Variants in PDE8A observed in about 807,000 individuals in gnomAD.
PDE8A encodes phosphodiesterase 8A, also known as high affinity cAMP-specific and IBMX-insensitive 3',5'-cyclic phosphodiesterase 8A.
PDE8A carries 59 observed loss-of-function variants against 105.0 expected under a neutral mutation model. The observed-to-expected ratio is 0.56, with a 90% CI of 0.46 to 0.70. The LOEUF is 0.70. Ranked by LOEUF, PDE8A falls within the 30% of genes least tolerant of loss-of-function variation. The pLI is 0.00. For synonymous variants in PDE8A, 355 were observed against 371.9 expected, an observed-to-expected ratio of 0.95 and a Z score of 0.52; for missense variants, 1,014 against 1,045.9, an observed-to-expected ratio of 0.97 and a Z score of 0.42.
At chr15:85,109,025 A>G in intron 11 of PDE8A, 28 bp from the exon 12 acceptor site, 1 of 1,466,262 alleles carries the variant, frequency 6.8e-7, no homozygotes, top group Non-Finnish European at 9.5e-7. Context: ...ATATCTTTGA[A>G]GAGGTGATTT....
intron 1 of PDE8A, among the ~76,000 whole-genome samples, chr15:85,039,135 A>G (rs532357790): frequency 5.9e-5 from 9 of 152,050 alleles, no homozygotes; most frequent in African/African-American, 1.7e-4. Context: ...AAAAAAAAAA[A>G]AAAGAAAAGA....
chr15:85,104,143 A>G (rs1045377026), intron 11 of PDE8A, among the ~76,000 whole-genome samples: 6 of 152,248 alleles, frequency 3.9e-5, no homozygotes, highest in Non-Finnish European at 7.3e-5. Flanking sequence ...GACTTGTTCT[A>G]GGTCAGGCCC....
intron 1 of PDE8A, among the ~76,000 whole-genome samples, chr15:85,057,470 T>A (rs56279648): frequency 6.6e-6 from 1 of 152,128 alleles, no homozygotes; most frequent in Admixed American, 6.5e-5. Flanking sequence ...AGGAATTCCC[T>A]GACCCCTTGT....
intron 14 of PDE8A, 200 bp from the exon 15 acceptor site, chr15:85,115,239 C>G: frequency 1.9e-6 from 1 of 525,560 alleles, no homozygotes; most frequent in Non-Finnish European, 3.3e-6. Context: ...TCCTTCCCAG[C>G]ATTAGCCTGT....
chr15:84,982,611 C>A (rs1288566041), intron 1 of PDE8A, among the ~76,000 whole-genome samples: 1 of 152,144 alleles, frequency 6.6e-6, no homozygotes, highest in Non-Finnish European at 1.5e-5. Context: ...TGGACACATC[C>A]GACTCCCGGA....
chr15:84,998,914 A>T (rs987748332), intron 1 of PDE8A, among the ~76,000 whole-genome samples: 3 of 152,194 alleles, frequency 2.0e-5, no homozygotes, highest in African/African-American at 7.2e-5. Flanking sequence ...ATGAGCAAAC[A>T]TATACTCGTT....
In PDE8A at chr15:85,065,099, A is replaced by G. The variant is rs568419113; in HGVS notation, c.243+673A>G. Among the ~76,000 whole-genome samples, 10 of 152,292 alleles carry G rather than the reference A, an allele frequency of 6.6e-5. No homozygotes were observed. In the South Asian group the frequency reaches 2.1e-3, roughly 32 times the overall value. On this transcript the variant is annotated intron_variant, in intron 2 of 21. Coordinates refer to ENST00000394553, the MANE Select transcript of PDE8A (RefSeq NM_002605.3). Reference sequence around the variant, plus strand: ...AAGGTGGCAAAATGTTAATTGATGAATGTAGAGAAAGGGCATGTTTAGTGT... The same window carrying G: ...AAGGTGGCAAAATGTTAATTGATGAGTGTAGAGAAAGGGCATGTTTAGTGT...
chr15:85,092,112 T>C (rs764683383), intron 8 of PDE8A, among the ~76,000 whole-genome samples: 18 of 152,098 alleles, frequency 1.2e-4, no homozygotes, highest in Non-Finnish European at 2.4e-4. Flanking sequence ...GCAAAGCTTA[T>C]ACTCCGCTCA....
chr15:85,111,824 C>T (rs1003126943), intron 12 of PDE8A, among the ~76,000 whole-genome samples: 1 of 152,126 alleles, frequency 6.6e-6, no homozygotes, highest in Admixed American at 6.5e-5. Flanking sequence ...CATGCTATGT[C>T]TCCATTTATT....
intron 1 of PDE8A, among the ~76,000 whole-genome samples, chr15:84,984,394 G>T (rs969797932): frequency 6.6e-6 from 1 of 152,050 alleles, no homozygotes; most frequent in African/African-American, 2.4e-5. Context: ...ACTATGCTCT[G>T]GAAATTCATG....
At chr15:85,133,087 A>G (rs1358558998) in intron 20 of PDE8A, among the ~76,000 whole-genome samples, 2 of 152,192 alleles carry the variant, frequency 1.3e-5, no homozygotes, top group Admixed American at 6.5e-5. Context: ...ATGAAAGTTT[A>G]AAGTTTTCTC....
chr15:85,133,077 A>G lies in PDE8A; in HGVS notation c.2254-3457A>G, dbSNP rs2082351722. On this transcript the variant is annotated intron_variant, in intron 20 of 21. Transcript: ENST00000394553. Reference sequence around the variant, plus strand: ...CTCTCAGCCTTACAATTAACCCATCATGAAAGTTTAAAGTTTTCTCAAACA... The same window carrying G: ...CTCTCAGCCTTACAATTAACCCATCGTGAAAGTTTAAAGTTTTCTCAAACA... Among the ~76,000 whole-genome samples the G allele has an allele frequency of 2.6e-5, 4 of 152,288 alleles. No homozygotes were observed. The South Asian group carries it at 8.3e-4, about 32-fold the overall frequency.
At chr15:85,132,545 A>G (rs1596550427) in intron 20 of PDE8A, among the ~76,000 whole-genome samples, 1 of 152,156 alleles carries the variant, frequency 6.6e-6, no homozygotes, top group East Asian at 1.9e-4. Flanking sequence ...GGCTCACTGC[A>G]ACCTCTGCCT....
chr15:85,077,970 G>T (rs1042754092), intron 5 of PDE8A, among the ~76,000 whole-genome samples: 2 of 150,798 alleles, frequency 1.3e-5, no homozygotes, highest in African/African-American at 5.0e-5. Context: ...AGTTTTAGTT[G>T]TGTATATGTA....
chr15:85,069,287 C>T (rs2081277585), intron 3 of PDE8A, among the ~76,000 whole-genome samples: 1 of 152,252 alleles, frequency 6.6e-6, no homozygotes, highest in East Asian at 1.9e-4. Flanking sequence ...TCAGATGTGC[C>T]TCTCCTCTAT....
At chr15:85,014,370 A>T (rs1279194723) in intron 1 of PDE8A, among the ~76,000 whole-genome samples, 1 of 152,112 alleles carries the variant, frequency 6.6e-6, no homozygotes, top group Non-Finnish European at 1.5e-5. Context: ...TGATATTCTA[A>T]TTCTCTCATT....
chr15:85,075,924 CT>C lies in PDE8A; in HGVS notation c.491+9del. 6.5e-7 allele frequency: 1 copy of C among 1,528,526 alleles called. No individual in the cohort carries two copies. The highest frequency in any genetic ancestry group is 1.7e-5 in the Admixed American group (1 of 58,254). The allele number at this position is 1,528,526 out of a possible 1,614,324, so 94.7% of individuals were successfully genotyped here. ...ATTGTTGGTGTAGTACGCAGGTAAACTTTCATTTTTTTAATGTTGAAATTGA... is the reference window on the plus strand; with the variant it reads ...ATTGTTGGTGTAGTACGCAGGTAAACTTCATTTTTTTAATGTTGAAATTGA... On this transcript the variant is annotated splice_region_variant and intron_variant, in intron 4 of 21. Coordinates refer to ENST00000394553, the MANE Select transcript of PDE8A (RefSeq NM_002605.3).
intron 1 of PDE8A, among the ~76,000 whole-genome samples, chr15:85,036,781 C>A (rs1211279179): frequency 6.6e-6 from 1 of 152,106 alleles, no homozygotes; most frequent in Non-Finnish European, 1.5e-5. Flanking sequence ...TCTCTAGAGA[C>A]ATCACAAAAA....
chr15:85,089,546 AT>A, intron 7 of PDE8A, 130 bp downstream of exon 7: 1 of 547,876 alleles, frequency 1.8e-6, no homozygotes, highest in Admixed American at 3.4e-5. Flanking sequence ...TCCTTCGAGG[AT>A]TATCAGAACA....
Sources: gnomAD v4.1 joint callset for allele counts (sites outside exome capture counted in the v4.1 genomes callset) on GRCh38, gnomAD v4.1.1 for gene constraint, MANE v1.5 for transcripts, NCBI Gene and HGNC (gene_info 2026-07-23, HGNC 2026-07-21) for gene names.